The following KCNIP4 variants were observed in gnomAD, a reference collection of about 807,000 sequenced individuals.
KCNIP4 encodes Kv channel-interacting protein 4.
Under a neutral mutation model 34.0 loss-of-function variants are expected in KCNIP4, and 12 were observed. The ratio of observed to expected loss-of-function variants is 0.35; its 90% confidence interval spans 0.23 to 0.57. The LOEUF (loss-of-function observed/expected upper bound fraction) is 0.57, where lower values mean the gene tolerates loss of function less well. KCNIP4 is among the 20% of genes least tolerant of loss of function. KCNIP4 has a pLI of 0.83. For missense variants in KCNIP4, 238 were observed against 311.7 expected (o/e 0.76, Z 1.78); for synonymous variants, 124 against 102.2 (o/e 1.21, Z -1.29).
intron 1 of KCNIP4, among the ~76,000 whole-genome samples, chr4:21,504,540 G>A (rs952655875): frequency 2.0e-5 from 3 of 149,622 alleles, no homozygotes; most frequent in African/African-American, 7.4e-5. Flanking sequence ...AGCAAGCAAA[G>A]CAAAGCAAGA....
intron 1 of KCNIP4, among the ~76,000 whole-genome samples, chr4:20,947,844 A>C (rs906633714): frequency 1.3e-5 from 2 of 152,308 alleles, no homozygotes; most frequent in South Asian, 2.1e-4. Flanking sequence ...CCCTACATGC[A>C]GTTCCCTGCA....
rs909460682 is a variant in KCNIP4 at position 21,874,689 on chromosome 4, C to T, written c.61+73882G>A. Among the ~76,000 whole-genome samples the T allele has an allele frequency of 3.1e-4, 47 of 152,186 alleles. 1 individual carries two copies. Among genetic ancestry groups the T allele is most frequent in the Admixed American group, 1.3e-4 (2 of 15,274 alleles). The stretch of plus-strand genomic sequence containing the variant: ...CTATTTTGCTTCTCTTTTTTACCCA[C>T]AAATTGGTAAATTGTTCTCTCACTT... On this transcript the variant is annotated intron_variant, in intron 1 of 8. Coordinates refer to ENST00000382152, the MANE Select transcript of KCNIP4 (RefSeq NM_025221.6).
At chr4:21,544,354 G>T (rs1330529122) in intron 1 of KCNIP4, 1 of 152,026 alleles carries the variant, frequency 6.6e-6, no homozygotes, top group Non-Finnish European at 1.5e-5. Context: ...ACCAAAAATT[G>T]AGTAGTTTAA....
At chr4:21,909,531 C>A (rs892895767) in intron 1 of KCNIP4, among the ~76,000 whole-genome samples, 4 of 152,050 alleles carry the variant, frequency 2.6e-5, no homozygotes, top group Non-Finnish European at 5.9e-5. Context: ...TAGGCTTAGA[C>A]ATGTTTCTTA....
chr4:21,901,795 C>A (rs1257817158), intron 1 of KCNIP4, among the ~76,000 whole-genome samples: 3 of 151,868 alleles, frequency 2.0e-5, no homozygotes, highest in African/African-American at 7.3e-5. Flanking sequence ...TTGAAAGTCC[C>A]AAAGAGAGAC....
chr4:21,325,651 G>T (rs1289215182), intron 1 of KCNIP4, among the ~76,000 whole-genome samples: 1 of 151,488 alleles, frequency 6.6e-6, no homozygotes, highest in African/African-American at 2.4e-5. Flanking sequence ...GGTTTGGTTT[G>T]CTCTTGCTCT....
At chr4:21,257,749 CAAAAAAAAAAAAA>C (rs34379604) in intron 1 of KCNIP4, among the ~76,000 whole-genome samples, 1 of 103,508 alleles carries the variant, frequency 9.7e-6, no homozygotes, top group Non-Finnish European at 1.9e-5. Flanking sequence ...GACTCAGTCT[CAAAAAAAAAAAAA>C]AAAGAAAGAA....
At chr4:21,387,911 C>T (rs946687739) in intron 1 of KCNIP4, among the ~76,000 whole-genome samples, 2 of 152,122 alleles carry the variant, frequency 1.3e-5, no homozygotes, top group South Asian at 2.1e-4. Context: ...TACAAGAGAC[C>T]TTTCTGCTCC....
At chr4:21,630,798 G>C (rs1745712147) in intron 1 of KCNIP4, among the ~76,000 whole-genome samples, 1 of 152,154 alleles carries the variant, frequency 6.6e-6, no homozygotes, top group Admixed American at 6.5e-5. Context: ...ACGCCCGCAA[G>C]AAAGAGCCCA....
At chr4:21,865,255 G>C (rs1463643365) in intron 1 of KCNIP4, among the ~76,000 whole-genome samples, 2 of 151,650 alleles carry the variant, frequency 1.3e-5, no homozygotes, top group Non-Finnish European at 2.9e-5. Context: ...AGATGATTCA[G>C]TGGTTCACTC....
chr4:21,122,112 A>G (rs1195044399), intron 1 of KCNIP4, among the ~76,000 whole-genome samples: 1 of 152,180 alleles, frequency 6.6e-6, no homozygotes, highest in Non-Finnish European at 1.5e-5. Context: ...TTTCTCTTGT[A>G]GGAATCATTT....
intron 2 of KCNIP4, among the ~76,000 whole-genome samples, chr4:20,879,664 T>C (rs1241002446): frequency 6.6e-6 from 1 of 152,200 alleles, no homozygotes; most frequent in African/African-American, 2.4e-5. Flanking sequence ...ATAGTTTAAA[T>C]CTGTATTTAA....
intron 1 of KCNIP4, among the ~76,000 whole-genome samples, chr4:21,879,489 C>T (rs1179098474): frequency 6.6e-6 from 1 of 152,198 alleles, no homozygotes; most frequent in Non-Finnish European, 1.5e-5. Flanking sequence ...GTTCCCTGGA[C>T]TCCTGCATTC....
At chr4:21,070,658 T>C (rs368476187) in intron 1 of KCNIP4, among the ~76,000 whole-genome samples, 7 of 148,916 alleles carry the variant, frequency 4.7e-5, no homozygotes, top group African/African-American at 1.7e-4. Flanking sequence ...CTGTTGAGTT[T>C]TGAGATTTTT....
At chr4:21,866,762 A>ATTTTTTTTTTTTTTTTTT (rs770568451) in intron 1 of KCNIP4, among the ~76,000 whole-genome samples, 1 of 82,698 alleles carries the variant, frequency 1.2e-5, no homozygotes, top group Admixed American at 1.9e-4. Flanking sequence ...TTCAGCCTGG[A>ATTTTTTTTTTTTTTTTTT]TTTTTTTTTT....
At chr4:21,539,933 G>A (rs956063331) in intron 1 of KCNIP4, among the ~76,000 whole-genome samples, 3 of 150,922 alleles carry the variant, frequency 2.0e-5, no homozygotes, top group Non-Finnish European at 4.4e-5. Context: ...AGCTGAGATT[G>A]TGCCATTGCA....
At chr4:20,986,293 T>G (rs1261302211) in intron 1 of KCNIP4, among the ~76,000 whole-genome samples, 1 of 152,190 alleles carries the variant, frequency 6.6e-6, no homozygotes, top group Non-Finnish European at 1.5e-5. Context: ...TGCTTTTCAT[T>G]TTGAATAACA....
At chr4:21,015,680 T>TGTTGC (rs1739456748) in intron 1 of KCNIP4, among the ~76,000 whole-genome samples, 1 of 79,940 alleles carries the variant, frequency 1.3e-5, no homozygotes, top group Non-Finnish European at 2.3e-5. Context: ...TAATATAGTA[T>TGTTGC]ATTGCATTAA....
intron 1 of KCNIP4, among the ~76,000 whole-genome samples, chr4:21,796,551 A>C (rs1416881450): frequency 6.6e-6 from 1 of 152,218 alleles, no homozygotes; most frequent in Admixed American, 6.5e-5. Flanking sequence ...TAAATTGTGT[A>C]CTTGAGAAAC....
Sources: gnomAD v4.1 joint callset for allele counts (sites outside exome capture counted in the v4.1 genomes callset) on GRCh38, gnomAD v4.1.1 for gene constraint, MANE v1.5 for transcripts, NCBI Gene and HGNC (gene_info 2026-07-23, HGNC 2026-07-21) for gene names.